TAF1: variants seen among roughly 807,000 people sequenced by gnomAD.
TAF1 encodes TATA-box binding protein associated factor 1, also known as transcription initiation factor TFIID subunit 1.
In TAF1, 2 loss-of-function variants were observed where a neutral mutation model predicts 138.5. The observed-to-expected ratio is 0.01, with a 90% confidence interval of 0.01 to 0.05. TAF1 has a LOEUF of 0.05. TAF1 is among the 10% of genes least tolerant of loss of function. TAF1 has a pLI of 1.00. For synonymous variants in TAF1, 437 were observed against 503.2 expected, an observed-to-expected ratio of 0.87 and a Z score of 1.76; for missense variants, 709 against 1,478.0, an observed-to-expected ratio of 0.48 and a Z score of 8.53.
intron 32 of TAF1, among the ~76,000 whole-genome samples, chrX:71,426,182 CTTGCTGTG>C (rs2036581802): frequency 9.0e-6 from 1 of 110,607 alleles, no homozygotes; most frequent in Non-Finnish European, 1.9e-5. Context: ...AGATGGGGGT[CTTGCTGTG>C]TTGCCCAGTC....
rs767011767 is a variant in TAF1, at chrX:71,388,720, T to C, written c.2570-18T>C. The C allele has an allele frequency of 4.1e-6, 5 of 1,209,532 alleles. No individual in the cohort carries two copies. Among genetic ancestry groups the C allele is most frequent in the South Asian group, 1.8e-5 (1 of 56,776 alleles). On this transcript the variant is annotated intron_variant, in intron 16 of 37. Transcript: ENST00000423759. ...GAATTCAGAATGGTCTCATTCTCTATGTATATGTCTTTTCCAGGGATGGAC... is the reference window on the plus strand; with the variant it reads ...GAATTCAGAATGGTCTCATTCTCTACGTATATGTCTTTTCCAGGGATGGAC...
chrX:71,453,066 GGAGACCGTGGGGAGACGGGAGAGA>G (rs1384475766), intron 32 of TAF1, among the ~76,000 whole-genome samples: 1 of 110,713 alleles, frequency 9.0e-6, no homozygotes, highest in Non-Finnish European at 1.9e-5. Context: ...AGAGGGAGAG[GGAGACCGTGGGGAGACGGGAGAGA>G]GAGAGGGAGA....
At chrX:71,444,283 C>T (rs2037576457) in intron 32 of TAF1, among the ~76,000 whole-genome samples, 2 of 112,483 alleles carry the variant, frequency 1.8e-5, no homozygotes, top group South Asian at 7.2e-4. Flanking sequence ...GTTAGGACTA[C>T]AGTCGTGAGC....
rs773057206 is a variant in TAF1 at position 71,407,624 on chromosome X, G to A, written c.4158G>A (p.Leu1386=). The part of the protein sequence containing the change: ...HRRRTDPMVT[L]SSILESIIND... Reference sequence around the variant, plus strand: ...GCCGCACAGACCCTATGGTGACGCTGTCGTCCATCTTGGAGTCTATCATCA... The same window carrying A: ...GCCGCACAGACCCTATGGTGACGCTATCGTCCATCTTGGAGTCTATCATCA... The change falls in exon 27 of 38, where the codon CTG becomes CTA. Residue 1386 remains leucine, a synonymous_variant. Transcript: ENST00000423759. The A allele has an allele frequency of 8.3e-6, 10 of 1,209,689 alleles. No individual in the cohort carries two copies. The Admixed American group carries it at 2.0e-4, about 24-fold the overall frequency.
intron 13 of TAF1, among the ~76,000 whole-genome samples, chrX:71,479,217 CAT>C (rs750044723): frequency 2.1e-4 from 24 of 112,093 alleles, no homozygotes; most frequent in African/African-American, 7.8e-4. Context: ...CAGAAAAATT[CAT>C]ATGATATGAT....
At chrX:71,501,918 A>C (rs1284757703) in intron 13 of TAF1, among the ~76,000 whole-genome samples, 1 of 111,546 alleles carries the variant, frequency 9.0e-6, no homozygotes, top group African/African-American at 3.3e-5. Context: ...GGTCGCCAGG[A>C]TGTGTCCGGA....
intron 37 of TAF1, among the ~76,000 whole-genome samples, chrX:71,461,653 C>A (rs2038555081): frequency 1.8e-5 from 2 of 111,686 alleles, no homozygotes; most frequent in Admixed American, 1.9e-4. Flanking sequence ...ATACATCTAA[C>A]CAGCAAGCAG....
intron 6 of TAF1, 198 bp downstream of exon 6, chrX:71,378,019 CG>C (rs1378839031): frequency 3.2e-6 from 2 of 625,659 alleles, no homozygotes; most frequent in African/African-American, 4.6e-5. Context: ...GTGGGGTAGG[CG>C]GGGATGAGAG....
intron 28 of TAF1, among the ~76,000 whole-genome samples, chrX:71,419,745 C>T (rs1429265852): frequency 9.0e-6 from 1 of 111,078 alleles, no homozygotes; most frequent in Non-Finnish European, 1.9e-5. Flanking sequence ...CTCCTACCAC[C>T]CACACCCACC....
chrX:71,377,979 C>A, intron 6 of TAF1, 158 bp downstream of exon 6: 2 of 738,877 alleles, frequency 2.7e-6, no homozygotes, highest in Non-Finnish European at 3.8e-6. Context: ...CAGTGGCTGC[C>A]CCTTCCCTAT....
At chrX:71,511,733 T>G (rs2039734062) in intron 13 of TAF1, among the ~76,000 whole-genome samples, 1 of 112,132 alleles carries the variant, frequency 8.9e-6, no homozygotes, top group African/African-American at 3.2e-5. Flanking sequence ...AAAGAACTTT[T>G]GGCTGGGCGC....
intron 13 of TAF1, among the ~76,000 whole-genome samples, chrX:71,478,276 T>C (rs1306914092): frequency 2.2e-4 from 24 of 109,415 alleles, no homozygotes; most frequent in African/African-American, 8.0e-4. Flanking sequence ...ATTGCTTGAA[T>C]TCGGGAGGTG....
At chrX:71,514,923 C>T (rs2039799983) in intron 13 of TAF1, among the ~76,000 whole-genome samples, 1 of 111,521 alleles carries the variant, frequency 9.0e-6, no homozygotes, top group African/African-American at 3.3e-5. Context: ...AAACCAGTAT[C>T]AGTGACGCTA....
At chrX:71,452,122 C>A (rs1220567850) in intron 32 of TAF1, among the ~76,000 whole-genome samples, 1 of 103,352 alleles carries the variant, frequency 9.7e-6, no homozygotes, top group Admixed American at 1.0e-4. Flanking sequence ...CCCCCCCCCA[C>A]CTCCCTCCCA....
intron 28 of TAF1, among the ~76,000 whole-genome samples, chrX:71,417,391 C>G (rs768465262): frequency 4.5e-5 from 5 of 111,188 alleles, no homozygotes; most frequent in Non-Finnish European, 7.5e-5. Flanking sequence ...GAGTCTCACT[C>G]TGTTGCCCAG....
At chrX:71,431,003 ATTTTT>A (rs41481947) in intron 32 of TAF1, among the ~76,000 whole-genome samples, 4 of 68,595 alleles carry the variant, frequency 5.8e-5, no homozygotes, top group African/African-American at 1.3e-4. Flanking sequence ...GCTCAGAAGA[ATTTTT>A]TTTTTTTTTT....
chrX:71,457,141 C>T (rs1436396450), intron 34 of TAF1, among the ~76,000 whole-genome samples: 1 of 112,021 alleles, frequency 8.9e-6, no homozygotes, highest in Non-Finnish European at 1.9e-5. Flanking sequence ...GATTTACCTG[C>T]TCTGTAATGC....
intron 28 of TAF1, among the ~76,000 whole-genome samples, chrX:71,409,814 C>T (rs1339690713): frequency 1.8e-5 from 2 of 111,700 alleles, no homozygotes; most frequent in Admixed American, 9.6e-5. Context: ...CATGACTTTG[C>T]AGTCTTTGCT....
At chrX:71,462,777 CTTAT>C (rs200647769) in intron 37 of TAF1, among the ~76,000 whole-genome samples, 1,630 of 111,163 alleles carry the variant, frequency 0.015, 25 homozygotes, top group African/African-American at 0.052. Context: ...TGGAGAGAGG[CTTAT>C]TTATTTATCA....
Sources: allele counts gnomAD v4.1 joint callset (sites outside exome capture counted in the v4.1 genomes callset), GRCh38; gene constraint gnomAD v4.1.1; transcripts MANE v1.5; gene names NCBI Gene and HGNC (gene_info 2026-07-23, HGNC 2026-07-21).